CSMD1: variants seen among roughly 807,000 people sequenced by gnomAD.
The protein encoded by CSMD1 is CUB and Sushi multiple domains 1.
CSMD1 carries 213 observed loss-of-function variants against 417.5 expected under a neutral mutation model. That is an observed-to-expected ratio of 0.51 (90% CI 0.46 to 0.57). The LOEUF (loss-of-function observed/expected upper bound fraction) is 0.57, where lower values mean the gene tolerates loss of function less well. CSMD1 is among the 20% of genes least tolerant of loss of function. The pLI is 0.00. For synonymous variants in CSMD1, 2,862 were observed against 1,736.8 expected (o/e 1.65, Z -16.11); for missense variants, 6,923 against 4,529.7 (o/e 1.53, Z -15.17).
At chr8:4,049,039 C>G (rs371423296) in intron 3 of CSMD1, among the ~76,000 whole-genome samples, 24 of 152,162 alleles carry the variant, frequency 1.6e-4, no homozygotes, top group African/African-American at 5.8e-4. Context: ...CACCACCCAT[C>G]TCAACAACTC....
At chr8:4,475,609 T>C (rs1800759857) in intron 2 of CSMD1, among the ~76,000 whole-genome samples, 1 of 151,992 alleles carries the variant, frequency 6.6e-6, no homozygotes, top group Non-Finnish European at 1.5e-5. Context: ...TTTTTTTTCT[T>C]TTTCTTTTTC....
At chr8:3,807,888 C>T (rs1800835184) in intron 5 of CSMD1, among the ~76,000 whole-genome samples, 1 of 152,124 alleles carries the variant, frequency 6.6e-6, no homozygotes, top group African/African-American at 2.4e-5. Flanking sequence ...AAAGCAATCC[C>T]CTTCTTGCCA....
chr8:4,567,579 T>G (rs181801081), intron 2 of CSMD1, among the ~76,000 whole-genome samples: 1 of 152,132 alleles, frequency 6.6e-6, no homozygotes, highest in South Asian at 2.1e-4. Context: ...GTCACAAAAT[T>G]GAGCTTGAAA....
intron 4 of CSMD1, among the ~76,000 whole-genome samples, chr8:4,026,618 G>T (rs559768359): frequency 6.6e-6 from 1 of 152,112 alleles, no homozygotes; most frequent in South Asian, 2.1e-4. Context: ...TTTTAATGGT[G>T]GTATCTTATC....
At chr8:4,630,156 G>A (rs555148055) in intron 2 of CSMD1, among the ~76,000 whole-genome samples, 2 of 152,226 alleles carry the variant, frequency 1.3e-5, no homozygotes, top group South Asian at 2.1e-4. Flanking sequence ...CTTCCTCATA[G>A]TATTGCAAAC....
chr8:3,650,469 T>C (rs528519579), intron 7 of CSMD1, among the ~76,000 whole-genome samples: 2 of 152,308 alleles, frequency 1.3e-5, no homozygotes, highest in South Asian at 2.1e-4. Context: ...CATCATGCTC[T>C]AGGACTAAAT....
At chr8:4,034,430 CA>C (rs1797512845) in intron 3 of CSMD1, among the ~76,000 whole-genome samples, 1 of 152,192 alleles carries the variant, frequency 6.6e-6, no homozygotes, top group Non-Finnish European at 1.5e-5. Context: ...TGTCTGCAAT[CA>C]TTTTTGTCTT....
chr8:3,144,571 T>G (rs753856681), intron 40 of CSMD1, among the ~76,000 whole-genome samples: 9 of 152,056 alleles, frequency 5.9e-5, no homozygotes, highest in Non-Finnish European at 1.3e-4. Context: ...AAAGGACCTG[T>G]GATGGTCTTG....
chr8:3,608,903 T>C (rs560655761), intron 8 of CSMD1, among the ~76,000 whole-genome samples: 2 of 152,148 alleles, frequency 1.3e-5, no homozygotes, highest in Non-Finnish European at 2.9e-5. Flanking sequence ...GCTCAGCATA[T>C]GCAATGCATG....
intron 5 of CSMD1, among the ~76,000 whole-genome samples, chr8:3,917,707 T>C (rs1808923592): frequency 6.6e-6 from 1 of 152,032 alleles, no homozygotes; most frequent in Non-Finnish European, 1.5e-5. Context: ...GTTTTGGAGA[T>C]ACGTATATAT....
intron 2 of CSMD1, among the ~76,000 whole-genome samples, chr8:4,532,825 C>T (rs1796900200): frequency 6.7e-6 from 1 of 149,880 alleles, no homozygotes; most frequent in South Asian, 2.1e-4. Context: ...CCTGCACCCG[C>T]ATTCAGTCAC....
intron 2 of CSMD1, among the ~76,000 whole-genome samples, chr8:4,459,902 G>A (rs1457632102): frequency 6.6e-6 from 1 of 152,102 alleles, no homozygotes. Flanking sequence ...AAAATTGCAT[G>A]CCAAATAAAC....
chr8:3,369,567 C>G (rs1336174973), intron 18 of CSMD1, among the ~76,000 whole-genome samples, 197 bp from the exon 19 acceptor site: 3 of 152,172 alleles, frequency 2.0e-5, no homozygotes, highest in Non-Finnish European at 4.4e-5. Flanking sequence ...ATCTTAACCA[C>G]TACAAAACCT....
intron 2 of CSMD1, among the ~76,000 whole-genome samples, chr8:4,596,195 G>A (rs1354718277): frequency 2.6e-5 from 4 of 152,150 alleles, no homozygotes; most frequent in Non-Finnish European, 5.9e-5. Flanking sequence ...CATCAAGTAA[G>A]TTTGGTTTTG....
chr8:4,452,750 C>G (rs958987312), intron 2 of CSMD1, among the ~76,000 whole-genome samples: 5 of 151,984 alleles, frequency 3.3e-5, no homozygotes, highest in African/African-American at 7.3e-5. Context: ...ATTCATCTTT[C>G]AACATATCAT....
intron 25 of CSMD1, among the ~76,000 whole-genome samples, chr8:3,304,730 CT>C (rs10688027): frequency 3.3e-5 from 5 of 151,614 alleles, no homozygotes; most frequent in East Asian, 1.9e-4. Context: ...TTATTTTTCT[CT>C]TTTTAATTTT....
chr8:4,590,052 A>G (rs1418463189), intron 2 of CSMD1, among the ~76,000 whole-genome samples: 4 of 152,168 alleles, frequency 2.6e-5, no homozygotes, highest in African/African-American at 9.7e-5. Context: ...TATTACATTT[A>G]TTTATTTTGT....
At chr8:3,698,970 G>C (rs17398322) in intron 7 of CSMD1, among the ~76,000 whole-genome samples, 18,489 of 152,218 alleles carry the variant, frequency 0.12, 1,090 homozygotes, top group Non-Finnish European at 0.14. Context: ...GGCTGATGAA[G>C]GTCCTCACTC....
intron 3 of CSMD1, among the ~76,000 whole-genome samples, chr8:4,204,232 C>G (rs925497079): frequency 6.6e-6 from 1 of 151,796 alleles, no homozygotes; most frequent in East Asian, 1.9e-4. Context: ...AGAACATCCT[C>G]TTTTTTCTAA....
Sources: gnomAD v4.1 joint callset for allele counts (sites outside exome capture counted in the v4.1 genomes callset) on GRCh38, gnomAD v4.1.1 for gene constraint, MANE v1.5 for transcripts, NCBI Gene and HGNC (gene_info 2026-07-23, HGNC 2026-07-21) for gene names.